Variants in PARD6B observed in about 807,000 individuals in gnomAD.
PARD6B encodes par-6 family cell polarity regulator beta, also known as partitioning defective 6 homolog beta.
In PARD6B, 4 loss-of-function variants were observed where a neutral mutation model predicts 10.5. That is an observed-to-expected ratio of 0.38 (90% CI 0.19 to 0.87). The LOEUF (loss-of-function observed/expected upper bound fraction) is 0.87. Among genes scored for constraint, PARD6B ranks in the 40% least tolerant of loss-of-function variants. PARD6B has a pLI of 0.41. For synonymous variants in PARD6B, 169 were observed against 170.4 expected (o/e 0.99, Z 0.07); for missense variants, 396 against 470.6 (o/e 0.84, Z 1.47).
rs1018760749 is a variant in PARD6B at position 50,749,648 on chromosome 20, T to C, written c.290-11T>C. On this transcript the variant is annotated splice_polypyrimidine_tract_variant and intron_variant, in intron 2 of 2. Coordinates refer to ENST00000371610, the MANE Select transcript of PARD6B (RefSeq NM_032521.3). ...GCATTTCTATAATTATTTTGTTTTA[T>C]TTTTAAACAGAAGAAGCAGACTACA... 1 of 1,550,620 alleles carries C rather than the reference T, an allele frequency of 6.4e-7. No individual in the cohort carries two copies. Among genetic ancestry groups the C allele is most frequent in the African/African-American group, 1.4e-5 (1 of 71,892 alleles).
chr20:50,749,387 A>G (rs1205593800), intron 2 of PARD6B, among the ~76,000 whole-genome samples: 1 of 152,092 alleles, frequency 6.6e-6, no homozygotes, highest in African/African-American at 2.4e-5. Context: ...TTCATTTGCC[A>G]TATTTAATGT....
rs200256456 is a variant in PARD6B at position 50,752,332 on chromosome 20, A to C, written c.*1844A>C. Reference sequence around the variant, plus strand: ...GACAAACTTGTGCACTTTTTATGCCAAAAAAAAAAAAAATTGGGTTTTCCT... The same window carrying C: ...GACAAACTTGTGCACTTTTTATGCCCAAAAAAAAAAAAATTGGGTTTTCCT... On this transcript the variant is annotated 3_prime_UTR_variant, in exon 3 of 3. Coordinates refer to ENST00000371610, the MANE Select transcript of PARD6B (RefSeq NM_032521.3). The C allele has an allele frequency of 1.7e-4, 3 of 17,256 alleles. No homozygotes were observed. The highest frequency in any genetic ancestry group is 1.7e-4 in the Non-Finnish European group (2 of 11,604). 1.1% of individuals were successfully genotyped at this position (17,256 alleles called of 1,614,324 possible).
chr20:50,751,686 T>C lies in PARD6B; in HGVS notation c.*1198T>C, dbSNP rs1294119822. 1.5e-5 allele frequency: 15 copies of C among 984,082 alleles called. No homozygotes were observed. Among genetic ancestry groups the C allele is most frequent in the Non-Finnish European group, 1.8e-5 (15 of 829,824 alleles). The allele number at this position is 984,082 out of a possible 1,614,324, so 61.0% of individuals were successfully genotyped here. ...CTAAGAATCAAACCACTTGGCTGTT[T>C]TTAGGAGTTACTTCCCATGTTATAA... is the stretch of plus-strand genomic sequence containing the variant. On this transcript the variant is annotated 3_prime_UTR_variant, in exon 3 of 3. Transcript: ENST00000371610.
chr20:50,744,865 G>A (rs1195122432), intron 2 of PARD6B, among the ~76,000 whole-genome samples: 2 of 152,056 alleles, frequency 1.3e-5, no homozygotes, highest in African/African-American at 4.8e-5. Context: ...CCCCAGCATG[G>A]TGTGCTTATA....
chr20:50,747,477 TTTTCTTTC>T (rs1379242641), intron 2 of PARD6B, among the ~76,000 whole-genome samples: 1 of 142,304 alleles, frequency 7.0e-6, no homozygotes, highest in Admixed American at 7.3e-5. Context: ...CTTTTTCTTT[TTTTCTTTC>T]TTTCTTTTTT....
chr20:50,751,709 T>C lies in PARD6B; in HGVS notation c.*1221T>C. 15 of 964,056 alleles carry C rather than the reference T, an allele frequency of 1.6e-5. No homozygotes were observed. Among genetic ancestry groups the C allele is most frequent in the Non-Finnish European group, 1.8e-5 (15 of 813,694 alleles). 59.7% of individuals were successfully genotyped at this position (964,056 alleles called of 1,614,324 possible). Reference sequence around the variant, plus strand: ...TTTTTAGGAGTTACTTCCCATGTTATAAAGCTGAGGAAGCTTTTTTTTTTT... The same window carrying C: ...TTTTTAGGAGTTACTTCCCATGTTACAAAGCTGAGGAAGCTTTTTTTTTTT... On this transcript the variant is annotated 3_prime_UTR_variant, in exon 3 of 3. Transcript: ENST00000371610.
intron 2 of PARD6B, among the ~76,000 whole-genome samples, chr20:50,743,691 A>T (rs1040915761): frequency 2.6e-5 from 4 of 152,092 alleles, no homozygotes; most frequent in Non-Finnish European, 5.9e-5. Flanking sequence ...GATCGAGACC[A>T]TCCTGGCTAG....
intron 2 of PARD6B, among the ~76,000 whole-genome samples, chr20:50,744,299 A>G (rs1370102288): frequency 6.6e-6 from 1 of 151,368 alleles, no homozygotes; most frequent in Non-Finnish European, 1.5e-5. Flanking sequence ...TTTTTAGTAG[A>G]GATGGGGTTT....
rs958570909 is a variant in PARD6B at position 50,731,641 on chromosome 20, G to C, written c.-146G>C. ...GGAGTGGAGCTCAGCGCGGACGCCGGAGCTGCGGCCGCCCCCTCTGCAGGT... is the reference window on the plus strand; with the variant it reads ...GGAGTGGAGCTCAGCGCGGACGCCGCAGCTGCGGCCGCCCCCTCTGCAGGT... On this transcript the variant is annotated 5_prime_UTR_variant, in exon 1 of 3. Transcript: ENST00000371610. The C allele has an allele frequency of 1.1e-5, 6 of 553,374 alleles. No homozygotes were observed. The highest frequency in any genetic ancestry group is 1.5e-5 in the Non-Finnish European group (5 of 342,032). 34.3% of individuals were successfully genotyped at this position (553,374 alleles called of 1,614,324 possible).
chr20:50,737,615 T>TA (rs1468874854), intron 1 of PARD6B, among the ~76,000 whole-genome samples: 2 of 152,016 alleles, frequency 1.3e-5, no homozygotes, highest in Non-Finnish European at 1.5e-5. Context: ...CAGGGATAGA[T>TA]AGAGTTGAGC....
At chr20:50,738,832 G>T (rs1267200142) in intron 2 of PARD6B, among the ~76,000 whole-genome samples, 2 of 151,954 alleles carry the variant, frequency 1.3e-5, no homozygotes, top group East Asian at 3.9e-4. Context: ...TAAAGACTGG[G>T]TCTTACTATG....
chr20:50,747,122 C>T (rs571646615), intron 2 of PARD6B, among the ~76,000 whole-genome samples: 31 of 152,214 alleles, frequency 2.0e-4, no homozygotes, highest in Non-Finnish European at 2.2e-4. Context: ...AGAGTGTTCA[C>T]GCAGCATCAG....
rs61730982 is a variant in PARD6B, at chr20:50,749,692, C to T, written c.323C>T (p.Thr108Met). 3.7e-3 allele frequency: 5,912 copies of T among 1,609,946 alleles called. 181 individuals are homozygous for T. In the African/African-American group the frequency reaches 0.068, roughly 19 times the overall value. ...GACTACAGTGCCTTTGGTACAGACA[C>T]GCTAATAAAGAAGAAGAATGTTTTA... is the stretch of plus-strand genomic sequence containing the variant. Reference protein sequence around the residue: ...EADYSAFGTDTLIKKKNVLTN... With the variant: ...EADYSAFGTDMLIKKKNVLTN... The change falls in exon 3 of 3, where the codon ACG (threonine) becomes ATG (methionine). Residue 108 changes from threonine (T) to methionine (M), a missense_variant. Physicochemically the swap from Thr to Met is moderately conservative, Grantham distance 81. Coordinates refer to ENST00000371610, the MANE Select transcript of PARD6B (RefSeq NM_032521.3).
Position 50,738,069 on chromosome 20 carries a change from A to G in PARD6B, c.279A>G (p.Ile93Met). ...STANPLLRIF[I>M]QKKEEADYSA... ...CCAATCCACTGCTTAGGATATTTAT[A>G]CAAAAGAAGGGTAAGTATCACTGTT... The change falls in exon 2 of 3, where the codon ATA becomes ATG. Residue 93 changes from isoleucine to methionine, a missense_variant. Physicochemically the swap from Ile to Met is conservative, Grantham distance 10. Transcript: ENST00000371610. The G allele has an allele frequency of 6.3e-7, 1 of 1,598,106 alleles. No homozygotes were observed. Among genetic ancestry groups the G allele is most frequent in the Non-Finnish European group, 8.5e-7 (1 of 1,172,106 alleles).
At chr20:50,735,499 A>C (rs1459976699) in intron 1 of PARD6B, among the ~76,000 whole-genome samples, 2 of 152,246 alleles carry the variant, frequency 1.3e-5, no homozygotes, top group African/African-American at 4.8e-5. Flanking sequence ...GGGAGTCCAT[A>C]CACATTCTGG....
chr20:50,747,722 A>G (rs6096077), intron 2 of PARD6B, among the ~76,000 whole-genome samples: 6,339 of 151,998 alleles, frequency 0.042, 423 homozygotes, highest in African/African-American at 0.14. Context: ...TCCTTCAGCC[A>G]TATAATTTAA....
chr20:50,741,531 A>C (rs2087530341), intron 2 of PARD6B, among the ~76,000 whole-genome samples: 1 of 152,028 alleles, frequency 6.6e-6, no homozygotes, highest in Non-Finnish European at 1.5e-5. Context: ...TGGCAGACTT[A>C]CTTAGTGTAC....
At chr20:50,738,978 T>G (rs6020718) in intron 2 of PARD6B, among the ~76,000 whole-genome samples, 2 of 149,978 alleles carry the variant, frequency 1.3e-5, no homozygotes, top group Non-Finnish European at 3.0e-5. Flanking sequence ...CTCGTAGCCT[T>G]TGTGTGTGTA....
At chr20:50,741,109 T>G (rs2087527872) in intron 2 of PARD6B, among the ~76,000 whole-genome samples, 16 of 151,978 alleles carry the variant, frequency 1.1e-4, no homozygotes, top group Admixed American at 1.0e-3. Flanking sequence ...TACAGGTGCA[T>G]GCCACCATGC....
Sources: gnomAD v4.1 joint callset for allele counts (sites outside exome capture counted in the v4.1 genomes callset) on GRCh38, gnomAD v4.1.1 for gene constraint, MANE v1.5 for transcripts, NCBI Gene and HGNC (gene_info 2026-07-23, HGNC 2026-07-21) for gene names.